GFM1: variants seen among roughly 807,000 people sequenced by gnomAD.
GFM1 encodes elongation factor G, mitochondrial.
GFM1 carries 62 observed loss-of-function variants against 96.2 expected under a neutral mutation model. The ratio of observed to expected loss-of-function variants is 0.64; its 90% CI spans 0.53 to 0.80. GFM1 has a LOEUF of 0.80. Ranked by LOEUF, GFM1 falls within the 30% of genes least tolerant of loss-of-function variation. The pLI is 0.00. For missense variants in GFM1, 852 were observed against 916.6 expected (o/e 0.93, Z 0.91); for synonymous variants, 282 against 312.9 (o/e 0.90, Z 1.04).
At chr3:158,645,468 A>G (rs1017489055) in intron 1 of GFM1, among the ~76,000 whole-genome samples, 161 bp from the exon 2 acceptor site, 1 of 152,236 alleles carries the variant, frequency 6.6e-6, no homozygotes, top group South Asian at 2.1e-4. Flanking sequence ...TCCTCTGATT[A>G]CAAGAGTTCC....
intron 13 of GFM1, among the ~76,000 whole-genome samples, chr3:158,673,985 G>T (rs1263444805): frequency 6.6e-5 from 10 of 151,464 alleles, no homozygotes; most frequent in Admixed American, 2.0e-4. Flanking sequence ...CTGTCTGCTT[G>T]CCCATCATCT....
At chr3:158,652,514 A>G (rs968770170) in intron 6 of GFM1, among the ~76,000 whole-genome samples, 3 of 152,116 alleles carry the variant, frequency 2.0e-5, no homozygotes, top group Admixed American at 2.0e-4. Context: ...AGCACTCCAA[A>G]GAGTGTCAGT....
In GFM1 at chr3:158,665,362, G is replaced by T; in HGVS notation, c.1406G>T (p.Gly469Val). The change falls in exon 12 of 18, where the codon GGT (glycine) becomes GTT (valine). Residue 469 changes from glycine (G) to valine (V), a missense_variant. Transcript: ENST00000486715. ...NKNDLEKFSK[G>V]IGRFTREDPT... is the part of the protein sequence containing the mutation. ...AACGATCTGGAAAAATTTTCAAAAG[G>T]TATTGGCAGGTTTACAAGAGAAGAT... 6.2e-7 allele frequency: 1 copy of T among 1,610,698 alleles called. No individual in the cohort carries two copies. Among genetic ancestry groups the T allele is most frequent in the Non-Finnish European group, 8.5e-7 (1 of 1,177,332 alleles).
intron 11 of GFM1, among the ~76,000 whole-genome samples, chr3:158,664,556 G>A (rs1372565644): frequency 6.6e-6 from 1 of 152,136 alleles, no homozygotes. Context: ...AGCTGGTTAA[G>A]TCCCTTTCTT....
chr3:158,653,111 T>C (rs1306749293), intron 6 of GFM1, among the ~76,000 whole-genome samples, 199 bp from the exon 7 acceptor site: 1 of 152,224 alleles, frequency 6.6e-6, no homozygotes, highest in African/African-American at 2.4e-5. Context: ...AGTAAATCAC[T>C]TCCCAGCCCT....
At chr3:158,648,896 CTT>C in intron 4 of GFM1, 143 bp from the exon 5 acceptor site, 1 of 615,084 alleles carries the variant, frequency 1.6e-6, no homozygotes, top group South Asian at 1.7e-5. Context: ...TTCCCAGCTG[CTT>C]TATATTTTCT....
rs1246106530 is a variant in GFM1 at position 158,662,662 on chromosome 3, T to G, written c.1358T>G (p.Ile453Arg). Residue 453 changes from isoleucine (I) to arginine (R), a missense_variant, in exon 11 of 18, where the codon ATA becomes AGA. Transcript: ENST00000486715. ...CATGTTCCTGATCCTGTCATTTCAA[T>G]AGCAATGAAGCCTTCTAACAAGGTA... ...SIHVPDPVIS[I>R]AMKPSNKNDL... The G allele has an allele frequency of 4.4e-6, 7 of 1,597,922 alleles. No homozygotes were observed. The highest frequency in any genetic ancestry group is 1.7e-4 in the Middle Eastern group (1 of 5,756).
At chr3:158,668,916 A>G in intron 13 of GFM1, 1 of 1,268,906 alleles carries the variant, frequency 7.9e-7, no homozygotes. Flanking sequence ...CTATAGGAAT[A>G]CTGTTAATCC....
chr3:158,672,060 A>T (rs1297522916), intron 13 of GFM1, among the ~76,000 whole-genome samples: 2 of 152,128 alleles, frequency 1.3e-5, no homozygotes, highest in African/African-American at 4.8e-5. Context: ...CACTTAAGGA[A>T]AGTGCTGCCC....
intron 5 of GFM1, chr3:158,650,250 T>G (rs190704086): frequency 3.3e-6 from 2 of 601,540 alleles, no homozygotes; most frequent in Non-Finnish European, 5.9e-6. Context: ...GCAGAGTTTT[T>G]GTTTTTCTTT....
intron 16 of GFM1, chr3:158,690,573 C>G: frequency 2.1e-6 from 1 of 475,832 alleles, no homozygotes; most frequent in East Asian, 4.0e-5. Context: ...TGAATAAGCA[C>G]AGATGGACAA....
intron 15 of GFM1, chr3:158,684,980 T>C (rs1576791248): frequency 4.1e-6 from 1 of 246,048 alleles, no homozygotes; most frequent in East Asian, 8.8e-5. Flanking sequence ...AGGAAATTTT[T>C]AAAAGGTATC....
In GFM1 at chr3:158,644,573, G is replaced by A. The variant is rs1300763963; in HGVS notation, c.-62G>A. 3 of 1,379,724 alleles carry A rather than the reference G, an allele frequency of 2.2e-6. No homozygotes were observed. Among genetic ancestry groups the A allele is most frequent in the Non-Finnish European group, 3.0e-6 (3 of 994,140 alleles). 85.5% of individuals were successfully genotyped at this position (1,379,724 alleles called of 1,614,324 possible). On this transcript the variant is annotated 5_prime_UTR_variant, in exon 1 of 18. Transcript: ENST00000486715. Reference sequence around the variant, plus strand: ...GGCGTGACTTTGACCGCTTCCCGGTGCGTTACCGGCAGCTGAACCCACCCG... The same window carrying A: ...GGCGTGACTTTGACCGCTTCCCGGTACGTTACCGGCAGCTGAACCCACCCG...
At chr3:158,651,868 T>C (rs1722322487) in intron 5 of GFM1, among the ~76,000 whole-genome samples, 1 of 152,208 alleles carries the variant, frequency 6.6e-6, no homozygotes, top group Non-Finnish European at 1.5e-5. Context: ...CTCTTCCGGT[T>C]ACTGGTAGTA....
chr3:158,689,295 G>A (rs1045426657), intron 15 of GFM1, among the ~76,000 whole-genome samples: 2 of 152,118 alleles, frequency 1.3e-5, no homozygotes, highest in Non-Finnish European at 2.9e-5. Flanking sequence ...TCCTTATTTT[G>A]TAGATGAAAA....
intron 14 of GFM1, among the ~76,000 whole-genome samples, chr3:158,683,060 T>G (rs1725548259): frequency 6.6e-6 from 1 of 151,908 alleles, no homozygotes; most frequent in Non-Finnish European, 1.5e-5. Flanking sequence ...AAAACTGTTG[T>G]AAACCCTTAA....
At position 158,646,150 on chromosome 3, in the gene GFM1, T is replaced by C. The variant is rs762488275; in HGVS notation, c.235-15T>C. 1.2e-6 allele frequency: 2 copies of C among 1,614,032 alleles called. No individual in the cohort carries two copies. The highest frequency in any genetic ancestry group is 1.7e-5 in the Admixed American group (1 of 60,012). ...CAGGGACAGAGAAAGTCTGAATTGC[T>C]GTGCTTGTGTTTAGGTGAAAGGTAA... On this transcript the variant is annotated splice_polypyrimidine_tract_variant and intron_variant, in intron 2 of 17. Coordinates refer to ENST00000486715, the MANE Select transcript of GFM1 (RefSeq NM_024996.7).
chr3:158,654,429 C>G (rs1250966592), intron 7 of GFM1, 118 bp from the exon 8 acceptor site: 13 of 658,058 alleles, frequency 2.0e-5, no homozygotes, highest in Non-Finnish European at 2.9e-5. Flanking sequence ...TTATGTGTGA[C>G]AGCAGTAATA....
At chr3:158,648,381 T>C (rs914778201) in intron 4 of GFM1, among the ~76,000 whole-genome samples, 1 of 152,132 alleles carries the variant, frequency 6.6e-6, no homozygotes, top group Non-Finnish European at 1.5e-5. Context: ...GCAGTTTCTA[T>C]TCAGTTTTGA....
Sources: gnomAD v4.1 joint callset for allele counts (sites outside exome capture counted in the v4.1 genomes callset) on GRCh38, gnomAD v4.1.1 for gene constraint, MANE v1.5 for transcripts, NCBI Gene and HGNC (gene_info 2026-07-23, HGNC 2026-07-21) for gene names.